CEP85L: variants seen among roughly 807,000 people sequenced by gnomAD.
The protein encoded by CEP85L is centrosomal protein of 85 kDa-like.
A neutral mutation model predicts 100.3 loss-of-function variants in CEP85L; 60 were observed. That is an observed-to-expected ratio of 0.60 (90% CI 0.49 to 0.74). CEP85L has a LOEUF of 0.74. Ranked by LOEUF, CEP85L falls within the 30% of genes least tolerant of loss-of-function variation. The pLI is 0.00. For synonymous variants in CEP85L, 319 were observed against 322.7 expected, an observed-to-expected ratio of 0.99 and a Z score of 0.12; for missense variants, 973 against 936.2, an observed-to-expected ratio of 1.04 and a Z score of -0.51.
intron 3 of CEP85L, among the ~76,000 whole-genome samples, chr6:118,539,748 CT>C (rs1446493565): frequency 1.3e-5 from 2 of 151,972 alleles, no homozygotes; most frequent in Admixed American, 1.3e-4. Context: ...GATGCTCTCC[CT>C]CCCCCCAAAA....
At chr6:118,562,720 A>G (rs999870061) in intron 3 of CEP85L, among the ~76,000 whole-genome samples, 4 of 152,156 alleles carry the variant, frequency 2.6e-5, no homozygotes, top group African/African-American at 9.7e-5. Flanking sequence ...TGCCAATACC[A>G]TAACTGTTCA....
chr6:118,594,641 G>A (rs756104412), intron 2 of CEP85L, among the ~76,000 whole-genome samples: 1 of 152,056 alleles, frequency 6.6e-6, no homozygotes, highest in Non-Finnish European at 1.5e-5. Context: ...GGCCGAGGCT[G>A]GTGGATCACG....
chr6:118,590,865 G>C (rs1331948270), intron 2 of CEP85L, among the ~76,000 whole-genome samples: 1 of 152,160 alleles, frequency 6.6e-6, no homozygotes, highest in Non-Finnish European at 1.5e-5. Flanking sequence ...CTCCTTAAAA[G>C]CACTCCACAT....
intron 3 of CEP85L, among the ~76,000 whole-genome samples, chr6:118,539,846 C>T (rs1195528027): frequency 6.6e-6 from 1 of 152,130 alleles, no homozygotes; most frequent in East Asian, 1.9e-4. Flanking sequence ...ACTTTTCCTA[C>T]CATTTACATA....
At chr6:118,689,916 CTTT>C (rs34964907) in intron 1 of CEP85L, among the ~76,000 whole-genome samples, 5 of 136,194 alleles carry the variant, frequency 3.7e-5, no homozygotes, top group Admixed American at 7.4e-5. Context: ...TCCCTGCCTG[CTTT>C]TTTTTTTTTT....
chr6:118,658,774 T>C (rs1775878417), intron 1 of CEP85L, among the ~76,000 whole-genome samples: 1 of 152,160 alleles, frequency 6.6e-6, no homozygotes, highest in Non-Finnish European at 1.5e-5. Context: ...GACATTTAAC[T>C]ATTTTGCTTA....
Position 118,583,084 on chromosome 6 carries a change from T to C in CEP85L, c.233-16768A>G, listed in dbSNP as rs115496588. ...GCCCAGGCAGCAAGACGAAGCCACC[T>C]TGACCCTGTCCAGCCTGTGGCGGAG... On this transcript the variant is annotated intron_variant, in intron 2 of 12. Transcript: ENST00000368491. 1.0e-2 allele frequency among the ~76,000 whole-genome samples: 1,522 copies of C among 152,344 alleles called. 36 individuals are homozygous for C. The highest frequency in any genetic ancestry group is 0.034 in the African/African-American group (1,409 of 41,570).
intron 10 of CEP85L, 106 bp downstream of exon 10, chr6:118,479,763 ATT>A (rs1773642785): frequency 5.8e-6 from 3 of 515,338 alleles, no homozygotes; most frequent in Non-Finnish European, 1.0e-5. Context: ...TGCTATAAAT[ATT>A]ATCTTTCCAT....
chr6:118,565,776 G>T lies in CEP85L; in HGVS notation c.773C>A (p.Ala258Asp). Residue 258 changes from alanine (A) to aspartate (D), a missense_variant, in exon 3 of 13, where the codon GCC becomes GAC. Transcript: ENST00000368491. ...RRQPVDMTYS[A>D]LPESKPIMTS... ...CATAATGGGCTTGCTTTCAGGTAAG[G>T]CACTATATGTCATGTCTACAGGCTG... is the stretch of plus-strand genomic sequence containing the variant. 1 of 1,614,116 alleles carries T rather than the reference G, an allele frequency of 6.2e-7. No individual in the cohort carries two copies. The highest frequency in any genetic ancestry group is 8.5e-7 in the Non-Finnish European group (1 of 1,180,002).
chr6:118,526,308 G>A (rs140439276), intron 3 of CEP85L, among the ~76,000 whole-genome samples: 1 of 152,180 alleles, frequency 6.6e-6, no homozygotes, highest in East Asian at 1.9e-4. Flanking sequence ...CTCTTTCACT[G>A]TCCAGGCCAC....
chr6:118,677,942 CT>C (rs923693277), intron 1 of CEP85L, among the ~76,000 whole-genome samples: 13 of 152,292 alleles, frequency 8.5e-5, no homozygotes, highest in African/African-American at 3.1e-4. Flanking sequence ...ATAATCTTGT[CT>C]TCAATTTTGC....
intron 2 of CEP85L, among the ~76,000 whole-genome samples, chr6:118,625,081 C>T (rs373076333): frequency 6.6e-5 from 10 of 152,348 alleles, no homozygotes; most frequent in South Asian, 6.2e-4. Context: ...TAAACACCAC[C>T]GGGATAATTG....
Position 118,651,364 on chromosome 6 carries a change from C to A in CEP85L, c.-95G>T. The A allele has an allele frequency of 7.3e-7, 1 of 1,374,048 alleles. No individual in the cohort carries two copies. Among genetic ancestry groups the A allele is most frequent in the Non-Finnish European group, 9.4e-7 (1 of 1,065,256 alleles). 85.1% of individuals were successfully genotyped at this position (1,374,048 alleles called of 1,614,324 possible). ...GCGGAAACTTGCGCGGAGCGTGGGC[C>A]TCGGCGACACGGGCAGGAGGAAAGG... On this transcript the variant is annotated 5_prime_UTR_variant, in exon 1 of 13. In the 5' UTR this introduces an upstream ATG that the reference lacks. Coordinates refer to ENST00000368491, the MANE Select transcript of CEP85L (RefSeq NM_001042475.3).
chr6:118,551,809 A>G (rs1017167106), intron 3 of CEP85L, among the ~76,000 whole-genome samples: 2 of 152,056 alleles, frequency 1.3e-5, no homozygotes, highest in Admixed American at 1.3e-4. Flanking sequence ...TGTTGCTACC[A>G]CAAAGTAACT....
chr6:118,494,889 C>T (rs1008832327), intron 5 of CEP85L, among the ~76,000 whole-genome samples: 1 of 151,920 alleles, frequency 6.6e-6, no homozygotes, highest in Admixed American at 6.6e-5. Flanking sequence ...GGATTTTTGA[C>T]AACTAGGATT....
At position 118,485,011 on chromosome 6, in the gene CEP85L, G is replaced by A. The variant is rs1365244945; in HGVS notation, c.1438-1153C>T. Among the ~76,000 whole-genome samples, 6 of 152,228 alleles carry A rather than the reference G, an allele frequency of 3.9e-5. No individual in the cohort carries two copies. The East Asian group carries it at 9.7e-4, about 24-fold the overall frequency. ...TTAGGATTGATAAAGTATGGTAACCGAACACTTATGTCACACATGGTGTGT... is the reference window on the plus strand; with the variant it reads ...TTAGGATTGATAAAGTATGGTAACCAAACACTTATGTCACACATGGTGTGT... On this transcript the variant is annotated intron_variant, in intron 6 of 12. Transcript: ENST00000368491.
chr6:118,526,966 C>T (rs1562230716), intron 3 of CEP85L, among the ~76,000 whole-genome samples: 1 of 150,640 alleles, frequency 6.6e-6, no homozygotes, highest in Non-Finnish European at 1.5e-5. Flanking sequence ...GCTGCTCTGC[C>T]TGTGGCGCAG....
At chr6:118,588,170 C>T (rs1222556915) in intron 2 of CEP85L, among the ~76,000 whole-genome samples, 1 of 152,194 alleles carries the variant, frequency 6.6e-6, no homozygotes, top group Non-Finnish European at 1.5e-5. Context: ...TTTCTATGCC[C>T]TCATATGGAG....
intron 2 of CEP85L, among the ~76,000 whole-genome samples, chr6:118,616,874 G>A (rs1007469444): frequency 6.6e-6 from 1 of 151,462 alleles, no homozygotes; most frequent in African/African-American, 2.4e-5. Flanking sequence ...GAACCCGGGA[G>A]GCGGAGCTTG....
Sources: allele counts gnomAD v4.1 joint callset (sites outside exome capture counted in the v4.1 genomes callset), GRCh38; gene constraint gnomAD v4.1.1; transcripts MANE v1.5; gene names NCBI Gene and HGNC (gene_info 2026-07-23, HGNC 2026-07-21).